Variants in AFF2 observed in about 807,000 individuals in gnomAD.
AFF2 encodes ALF transcription elongation factor 2, also known as AF4/FMR2 family member 2.
AFF2 carries 14 observed loss-of-function variants against 76.9 expected under a neutral mutation model. The ratio of observed to expected loss-of-function variants is 0.18; its 90% CI spans 0.12 to 0.28. The LOEUF (loss-of-function observed/expected upper bound fraction) is 0.28, where lower values mean the gene tolerates loss of function less well. Among genes scored for constraint, AFF2 ranks in the 10% least tolerant of loss-of-function variants. The probability of loss-of-function intolerance (pLI) is 1.00; values close to 1 mark genes in which losing one functional copy is unlikely to be tolerated. For missense variants in AFF2, 868 were observed against 1,001.1 expected, an observed-to-expected ratio of 0.87 and a Z score of 1.79; for synonymous variants, 398 against 366.7, an observed-to-expected ratio of 1.09 and a Z score of -0.98.
At chrX:148,963,861 C>T (rs1301777613) in intron 13 of AFF2, among the ~76,000 whole-genome samples, 2 of 111,784 alleles carry the variant, frequency 1.8e-5, no homozygotes, top group South Asian at 3.8e-4. Flanking sequence ...AAGTTTTTTA[C>T]GGCTCTGTTT....
In AFF2 at chrX:148,662,739, C is replaced by A; in HGVS notation, c.1012C>A (p.Pro338Thr). The change falls in exon 3 of 21, where the codon CCA becomes ACA. Residue 338 changes from proline to threonine, a missense_variant. Coordinates refer to ENST00000370460, the MANE Select transcript of AFF2 (RefSeq NM_002025.4). ...TGCAGCCAGTTCAAAGACTAAACTG[C>A]CAAAGTTCACCATCCTCCAAACAAG... ...PSAASSKTKLPKFTILQTSEV... is the reference protein window; with the variant it reads ...PSAASSKTKLTKFTILQTSEV... 8.3e-7 allele frequency: 1 copy of A among 1,209,716 alleles called. No individual in the cohort carries two copies. The highest frequency in any genetic ancestry group is 1.7e-5 in the African/African-American group (1 of 57,790).
intron 4 of AFF2, among the ~76,000 whole-genome samples, chrX:148,834,646 G>A (rs782253682): frequency 5.4e-5 from 6 of 111,026 alleles, no homozygotes; most frequent in Non-Finnish European, 9.4e-5. Context: ...CATTTTGGGA[G>A]CAGGGGCTCA....
At chrX:148,749,266 C>CTT (rs60610965) in intron 3 of AFF2, among the ~76,000 whole-genome samples, 3 of 96,020 alleles carry the variant, frequency 3.1e-5, no homozygotes, top group African/African-American at 1.1e-4. Context: ...CCTAAATAGT[C>CTT]TTTTTTTTTT....
At chrX:148,767,596 G>A (rs373343563) in intron 3 of AFF2, among the ~76,000 whole-genome samples, 5 of 111,975 alleles carry the variant, frequency 4.5e-5, no homozygotes, top group African/African-American at 1.6e-4. Flanking sequence ...CCTAAACCCT[G>A]TGATTTCATA....
intron 1 of AFF2, among the ~76,000 whole-genome samples, chrX:148,512,624 A>C (rs1371479258): frequency 8.9e-6 from 1 of 112,547 alleles, no homozygotes; most frequent in African/African-American, 3.2e-5. Context: ...CAATGATTTT[A>C]CCCAACAGCT....
At chrX:148,937,262 C>A (rs1466686716) in intron 9 of AFF2, among the ~76,000 whole-genome samples, 2 of 112,014 alleles carry the variant, frequency 1.8e-5, no homozygotes, top group African/African-American at 6.5e-5. Flanking sequence ...TAGCCCTAAA[C>A]ACAACTAAAT....
chrX:148,554,152 A>C lies in AFF2; in HGVS notation c.47+53008A>C, dbSNP rs150328504. 3.6e-3 allele frequency among the ~76,000 whole-genome samples: 408 copies of C among 112,631 alleles called. 2 individuals carry two copies. Among genetic ancestry groups the C allele is most frequent in the African/African-American group, 0.013 (391 of 31,052 alleles). ...CAGGGATAATACACATATTTACCAG[A>C]GCTGTCAAATATTAAACAAAAAAGA... On this transcript the variant is annotated intron_variant, in intron 1 of 20. Transcript: ENST00000370460.
At chrX:148,681,277 T>C (rs1200046529) in intron 3 of AFF2, among the ~76,000 whole-genome samples, 2 of 111,496 alleles carry the variant, frequency 1.8e-5, no homozygotes, top group Non-Finnish European at 3.8e-5. Context: ...CACAATACCT[T>C]GGGGCTGCTT....
intron 1 of AFF2, among the ~76,000 whole-genome samples, chrX:148,523,970 G>C (rs1557234851): frequency 9.0e-6 from 1 of 111,070 alleles, no homozygotes; most frequent in East Asian, 2.8e-4. Context: ...CTTAGATGTC[G>C]GGCAGTATGA....
intron 3 of AFF2, among the ~76,000 whole-genome samples, chrX:148,710,783 C>T (rs954784256): frequency 9.0e-6 from 1 of 111,196 alleles, no homozygotes; most frequent in African/African-American, 3.3e-5. Context: ...TTTATTTGCC[C>T]TAGGTATATG....
At chrX:148,638,945 A>G (rs1355078674) in intron 1 of AFF2, among the ~76,000 whole-genome samples, 1 of 112,224 alleles carries the variant, frequency 8.9e-6, no homozygotes, top group Admixed American at 9.4e-5. Context: ...TTCTAGATGA[A>G]CAGAATTTGA....
intron 7 of AFF2, among the ~76,000 whole-genome samples, chrX:148,852,385 G>A (rs2070740480): frequency 1.4e-5 from 1 of 71,837 alleles, no homozygotes; most frequent in African/African-American, 4.7e-5. Flanking sequence ...CTCACCAGCA[G>A]CTGGTTTTTT....
intron 1 of AFF2, among the ~76,000 whole-genome samples, chrX:148,582,911 C>T (rs782801641): frequency 6.3e-5 from 7 of 111,715 alleles, no homozygotes; most frequent in South Asian, 7.4e-4. Flanking sequence ...TATTCAGCCA[C>T]GAAAAAGGAT....
At chrX:148,712,353 T>A (rs1278591721) in intron 3 of AFF2, among the ~76,000 whole-genome samples, 1 of 112,007 alleles carries the variant, frequency 8.9e-6, no homozygotes, top group Non-Finnish European at 1.9e-5. Flanking sequence ...AGAATAACAT[T>A]ATATTGCATT....
intron 3 of AFF2, among the ~76,000 whole-genome samples, chrX:148,802,115 T>C (rs1347752186): frequency 8.9e-6 from 1 of 112,431 alleles, no homozygotes; most frequent in Non-Finnish European, 1.9e-5. Flanking sequence ...ATAGATAATA[T>C]GCTATGCTAT....
At chrX:148,886,022 G>C (rs41299108) in intron 8 of AFF2, 37 bp downstream of exon 8, 131 of 1,063,401 alleles carry the variant, frequency 1.2e-4, no homozygotes, top group South Asian at 1.9e-5. Context: ...GGGATGAAGG[G>C]GGGAGCAGGA....
Position 148,545,962 on chromosome X carries a change from T to C in AFF2, c.47+44818T>C, listed in dbSNP as rs1414344278. The stretch of plus-strand genomic sequence containing the variant: ...TACACCTTGACATGATGCTATGGAA[T>C]AGATTTATATTAAAAACTGCTTACT... On this transcript the variant is annotated intron_variant, in intron 1 of 20. Transcript: ENST00000370460. Among the ~76,000 whole-genome samples, 5 of 111,893 alleles carry C rather than the reference T, an allele frequency of 4.5e-5. No individual in the cohort carries two copies. The East Asian group carries it at 1.4e-3, about 31-fold the overall frequency.
At chrX:148,765,745 G>A (rs1002031608) in intron 3 of AFF2, among the ~76,000 whole-genome samples, 2 of 108,858 alleles carry the variant, frequency 1.8e-5, no homozygotes, top group Non-Finnish European at 3.8e-5. Flanking sequence ...GGGTACATGT[G>A]CACAATGTGC....
At chrX:148,900,872 T>C (rs1235737431) in intron 8 of AFF2, among the ~76,000 whole-genome samples, 3 of 112,116 alleles carry the variant, frequency 2.7e-5, no homozygotes, top group African/African-American at 9.7e-5. Context: ...GAGTAGAAGA[T>C]AGTGGTTCCT....
Sources: gnomAD v4.1 joint callset for allele counts (sites outside exome capture counted in the v4.1 genomes callset) on GRCh38, gnomAD v4.1.1 for gene constraint, MANE v1.5 for transcripts, NCBI Gene and HGNC (gene_info 2026-07-23, HGNC 2026-07-21) for gene names.